SGCD: variants seen among roughly 807,000 people sequenced by gnomAD.
SGCD encodes delta-sarcoglycan.
A neutral mutation model predicts 36.6 loss-of-function variants in SGCD; 18 were observed. That is an observed-to-expected ratio of 0.49 (90% confidence interval 0.34 to 0.73). The LOEUF (loss-of-function observed/expected upper bound fraction) is 0.73, where lower values mean the gene tolerates loss of function less well. Among genes scored for constraint, SGCD ranks in the 30% least tolerant of loss-of-function variants. The probability of loss-of-function intolerance (pLI) is 0.01; values close to 1 mark genes in which losing one functional copy is unlikely to be tolerated. For synonymous variants in SGCD, 133 were observed against 130.6 expected, an observed-to-expected ratio of 1.02 and a Z score of -0.12; for missense variants, 387 against 346.7, an observed-to-expected ratio of 1.12 and a Z score of -0.92.
chr5:155,875,213 A>G (rs922970952), intron 1 of SGCD, among the ~76,000 whole-genome samples: 5 of 152,114 alleles, frequency 3.3e-5, no homozygotes, highest in African/African-American at 1.2e-4. Context: ...AAGCTAACCC[A>G]TAGTAACATG....
chr5:156,437,867 G>C (rs1436539409), intron 3 of SGCD, among the ~76,000 whole-genome samples: 1 of 152,162 alleles, frequency 6.6e-6, no homozygotes. Context: ...TTACCTCTGT[G>C]ATTTATTACA....
chr5:156,282,512 A>G (rs573899107), intron 3 of SGCD, among the ~76,000 whole-genome samples: 27 of 152,314 alleles, frequency 1.8e-4, no homozygotes, highest in African/African-American at 6.0e-4. Flanking sequence ...CTTAAATAAT[A>G]TTTTCAACCA....
the SGCD span, among the ~76,000 whole-genome samples, chr5:155,799,324 T>A: frequency 6.6e-6 from 1 of 152,098 alleles, no homozygotes; most frequent in Non-Finnish European, 1.5e-5. Flanking sequence ...TACTGTTATA[T>A]GGTAGCAAAA....
chr5:156,471,984 A>T (rs75889701), intron 3 of SGCD, among the ~76,000 whole-genome samples: 1,920 of 151,552 alleles, frequency 0.013, 28 homozygotes, highest in African/African-American at 0.044. Flanking sequence ...AAGATTTATG[A>T]ATGGCCAATT....
chr5:156,565,373 T>TA (rs1164296618), intron 4 of SGCD, among the ~76,000 whole-genome samples: 1 of 152,186 alleles, frequency 6.6e-6, no homozygotes, highest in Admixed American at 6.5e-5. Flanking sequence ...AATATTTTTT[T>TA]AAAAACCTGC....
At chr5:156,424,623 T>G (rs1773583474) in intron 3 of SGCD, among the ~76,000 whole-genome samples, 1 of 152,088 alleles carries the variant, frequency 6.6e-6, no homozygotes, top group Admixed American at 6.6e-5. Flanking sequence ...GCATGCGTTT[T>G]TATTTGCTAG....
At chr5:156,478,584 CT>C (rs201194656) in intron 3 of SGCD, among the ~76,000 whole-genome samples, 35 of 152,058 alleles carry the variant, frequency 2.3e-4, no homozygotes, top group African/African-American at 7.5e-4. Context: ...CTCCAGTTGA[CT>C]TTTTTTTGTT....
intron 7 of SGCD, among the ~76,000 whole-genome samples, chr5:156,756,382 T>C (rs1757335565): frequency 6.6e-6 from 1 of 152,090 alleles, no homozygotes; most frequent in Non-Finnish European, 1.5e-5. Context: ...ACGCTATCTC[T>C]ACAAAAAATT....
chr5:156,206,007 A>AT (rs35117702), intron 3 of SGCD, among the ~76,000 whole-genome samples: 1 of 147,656 alleles, frequency 6.8e-6, no homozygotes, highest in African/African-American at 2.5e-5. Context: ...TATATATATT[A>AT]TATATTATAT....
intron 4 of SGCD, among the ~76,000 whole-genome samples, chr5:156,550,009 A>C (rs1758726234): frequency 6.6e-6 from 1 of 152,238 alleles, no homozygotes; most frequent in African/African-American, 2.4e-5. Context: ...GTAAAGTGCC[A>C]TGAGGTTTCT....
intron 3 of SGCD, among the ~76,000 whole-genome samples, chr5:156,190,128 T>G (rs1763854141): frequency 6.6e-6 from 1 of 152,106 alleles, no homozygotes; most frequent in Non-Finnish European, 1.5e-5. Flanking sequence ...ACTAGTTCAG[T>G]TAGCCTATCT....
chr5:155,750,490 T>A, the SGCD span, among the ~76,000 whole-genome samples: 47 of 152,248 alleles, frequency 3.1e-4, no homozygotes, highest in African/African-American at 1.1e-3. Context: ...TGCATTTAAT[T>A]TGGGAAGAAA....
intron 3 of SGCD, among the ~76,000 whole-genome samples, chr5:156,494,772 T>C (rs1756105978): frequency 6.6e-6 from 1 of 152,118 alleles, no homozygotes; most frequent in Admixed American, 6.6e-5. Context: ...CCCTACCTTG[T>C]GTAGAGGGGG....
At chr5:156,627,888 C>T (rs1238681221) in intron 6 of SGCD, among the ~76,000 whole-genome samples, 1 of 152,074 alleles carries the variant, frequency 6.6e-6, no homozygotes, top group Non-Finnish European at 1.5e-5. Context: ...GGAAAGACTG[C>T]CCCATCACCT....
At chr5:156,137,896 C>G (rs2127609022) in intron 3 of SGCD, among the ~76,000 whole-genome samples, 1 of 152,124 alleles carries the variant, frequency 6.6e-6, no homozygotes, top group Non-Finnish European at 1.5e-5. Context: ...TCATTTTCAC[C>G]ATTTATTTTT....
At position 156,749,584 on chromosome 5, in the gene SGCD, C is replaced by T. The variant is rs1430776574; in HGVS notation, c.576-7997C>T. Among the ~76,000 whole-genome samples the T allele has an allele frequency of 5.3e-5, 8 of 151,886 alleles. No individual in the cohort carries two copies. In the South Asian group the frequency reaches 1.5e-3, roughly 28 times the overall value. Reference sequence around the variant, plus strand: ...AGACAGCTACAAACGCAGGGGGCATCTTATTTTTTATTTTTAAAAATCTTC... The same window carrying T: ...AGACAGCTACAAACGCAGGGGGCATTTTATTTTTTATTTTTAAAAATCTTC... On this transcript the variant is annotated intron_variant, in intron 7 of 8. Coordinates refer to ENST00000337851, the MANE Select transcript of SGCD (RefSeq NM_000337.6).
chr5:156,047,253 A>T (rs902851689), intron 1 of SGCD, among the ~76,000 whole-genome samples: 2 of 152,194 alleles, frequency 1.3e-5, no homozygotes, highest in African/African-American at 4.8e-5. Flanking sequence ...GCAAGTGTTG[A>T]TGGAGAAGCT....
At chr5:156,025,095 G>A (rs1325868905) in intron 1 of SGCD, among the ~76,000 whole-genome samples, 1 of 152,076 alleles carries the variant, frequency 6.6e-6, no homozygotes, top group Non-Finnish European at 1.5e-5. Context: ...TTTCTTTGTT[G>A]CTTATCCAAA....
chr5:156,355,003 G>A (rs2127725535), intron 3 of SGCD, among the ~76,000 whole-genome samples: 1 of 152,266 alleles, frequency 6.6e-6, no homozygotes, highest in East Asian at 1.9e-4. Context: ...GTCTATTAAG[G>A]ATTTAAAATT....
Sources: gnomAD v4.1 joint callset for allele counts (sites outside exome capture counted in the v4.1 genomes callset) on GRCh38, gnomAD v4.1.1 for gene constraint, MANE v1.5 for transcripts, NCBI Gene and HGNC (gene_info 2026-07-23, HGNC 2026-07-21) for gene names.